Variants in IL10RB observed in about 807,000 individuals in gnomAD.
IL10RB encodes the protein interleukin-10 receptor subunit beta.
A neutral mutation model predicts 38.7 loss-of-function variants in IL10RB; 30 were observed. That is an observed-to-expected ratio of 0.78 (90% CI 0.58 to 1.05). The LOEUF is 1.05. Among genes scored for constraint, IL10RB ranks in the 50% least tolerant of loss-of-function variants. The pLI, the probability that IL10RB is intolerant of heterozygous loss-of-function variation, is 0.00. For missense variants in IL10RB, 328 were observed against 397.1 expected (o/e 0.83, Z 1.48); for synonymous variants, 142 against 145.9 (o/e 0.97, Z 0.19).
At chr21:33,285,705 A>G (rs191902985) in intron 5 of IL10RB, among the ~76,000 whole-genome samples, 1 of 152,312 alleles carries the variant, frequency 6.6e-6, no homozygotes, top group African/African-American at 2.4e-5. Context: ...GGGCCCATGG[A>G]TCCCTGTTTG....
chr21:33,268,682 G>T (rs1339777514), intron 2 of IL10RB, among the ~76,000 whole-genome samples, 165 bp downstream of exon 2: 1 of 152,160 alleles, frequency 6.6e-6, no homozygotes, highest in East Asian at 1.9e-4. Context: ...GGAAATTCTC[G>T]TGGCCACCTT....
At chr21:33,280,876 A>AT (rs1210323999) in intron 4 of IL10RB, among the ~76,000 whole-genome samples, 2 of 152,164 alleles carry the variant, frequency 1.3e-5, no homozygotes, top group African/African-American at 4.8e-5. Context: ...TCTCAAGTTA[A>AT]TTTTTTTCCC....
In IL10RB at chr21:33,266,545, G is replaced by C. The variant is rs28385653; in HGVS notation, c.49+31G>C. 5.1e-3 allele frequency: 7,832 copies of C among 1,538,714 alleles called. 29 individuals carry two copies. The highest frequency in any genetic ancestry group is 6.3e-3 in the Non-Finnish European group (7,227 of 1,145,316). The stretch of plus-strand genomic sequence containing the variant: ...GGGTCCGCGGGGAGGGGGCGCGCTT[G>C]GGAACCGGGAGGCCCCGCGAGATGC... On this transcript the variant is annotated intron_variant, in intron 1 of 6. Transcript: ENST00000290200.
chr21:33,295,357 GA>G (rs59137986), intron 6 of IL10RB, among the ~76,000 whole-genome samples: 7,794 of 55,802 alleles, frequency 0.14, 300 homozygotes, highest in African/African-American at 0.26. Flanking sequence ...GACTCCGTCT[GA>G]AAAAAAAAAA....
At chr21:33,304,727 G>C (rs998953594) in intron 1 of IL10RB, among the ~76,000 whole-genome samples, 4 of 152,210 alleles carry the variant, frequency 2.6e-5, no homozygotes, top group African/African-American at 7.2e-5. Flanking sequence ...GAATGGCCAG[G>C]AAGACATGAA....
chr21:33,271,585 G>A lies in IL10RB; in HGVS notation c.173+3068G>A, dbSNP rs186931948. 8.2e-4 allele frequency among the ~76,000 whole-genome samples: 125 copies of A among 152,004 alleles called. No individual in the cohort carries two copies. In the Middle Eastern group the frequency reaches 0.01, roughly 12 times the overall value. On this transcript the variant is annotated intron_variant, in intron 2 of 6. Transcript: ENST00000290200. Reference sequence around the variant, plus strand: ...CTTTACTAAAAATACAAAATTAGCCGGGTATGGTGGTGCATACCTGTAGTC... The same window carrying A: ...CTTTACTAAAAATACAAAATTAGCCAGGTATGGTGGTGCATACCTGTAGTC...
At chr21:33,298,884 C>T (rs988470533), downstream of IL10RB, among the ~76,000 whole-genome samples, 2 of 152,130 alleles carry the variant, frequency 1.3e-5, no homozygotes, top group Admixed American at 1.3e-4. Flanking sequence ...ATGGAGGTTC[C>T]TCCTCCCTTC....
rs764413783 is a variant in IL10RB, at chr21:33,283,214, C to T, written c.619C>T (p.Pro207Ser). 6.2e-7 allele frequency: 1 copy of T among 1,614,010 alleles called. No individual in the cohort carries two copies. The highest frequency in any genetic ancestry group is 1.1e-5 in the South Asian group (1 of 91,078). The change falls in exon 5 of 7, where the codon CCT becomes TCT. Residue 207 changes from proline (P) to serine (S), a missense_variant. Transcript: ENST00000290200. ...GAACAAAGCTGGGGAATGGAGTGAG[C>T]CTGTCTGTGAGCAAACAACCCATGA... is the stretch of plus-strand genomic sequence containing the variant. ...DRNKAGEWSE[P>S]VCEQTTHDET...
At chr21:33,291,497 C>T (rs1171211517) in intron 6 of IL10RB, among the ~76,000 whole-genome samples, 1 of 152,152 alleles carries the variant, frequency 6.6e-6, no homozygotes, top group African/African-American at 2.4e-5. Context: ...AACTCCTGAC[C>T]TCAAGTGATC....
At chr21:33,285,848 G>A (rs1407528734) in intron 5 of IL10RB, among the ~76,000 whole-genome samples, 1 of 152,156 alleles carries the variant, frequency 6.6e-6, no homozygotes, top group African/African-American at 2.4e-5. Flanking sequence ...TCCAGCTGTG[G>A]TGTGGACTGG....
At chr21:33,284,649 A>T (rs894245078) in intron 5 of IL10RB, among the ~76,000 whole-genome samples, 2 of 152,004 alleles carry the variant, frequency 1.3e-5, no homozygotes, top group Non-Finnish European at 2.9e-5. Flanking sequence ...ATGGGGGCCC[A>T]TTTCTCATGA....
chr21:33,282,254 T>A (rs1989293775), intron 4 of IL10RB, among the ~76,000 whole-genome samples: 1 of 152,134 alleles, frequency 6.6e-6, no homozygotes, highest in Non-Finnish European at 1.5e-5. Context: ...CAATTGCGAC[T>A]GGGTGTGGTG....
At chr21:33,280,853 A>G (rs1989267690) in intron 4 of IL10RB, among the ~76,000 whole-genome samples, 1 of 152,254 alleles carries the variant, frequency 6.6e-6, no homozygotes. Context: ...CACACACTGC[A>G]TAGCCCAAAA....
intron 3 of IL10RB, 48 bp from the exon 4 acceptor site, chr21:33,279,704 T>C (rs1265894897): frequency 6.4e-7 from 1 of 1,560,782 alleles, no homozygotes; most frequent in Non-Finnish European, 8.8e-7. Flanking sequence ...ATGTTGAAGT[T>C]TTTAAAATGT....
intron 4 of IL10RB, among the ~76,000 whole-genome samples, chr21:33,281,298 A>G (rs1601832219): frequency 6.6e-6 from 1 of 152,248 alleles, no homozygotes; most frequent in East Asian, 1.9e-4. Flanking sequence ...TATAAAGATA[A>G]GAGCAGATTG....
Position 33,288,117 on chromosome 21 carries a change from C to G in IL10RB, c.660C>G (p.Ser220=). ...TACCCCTGGCAGAAACGGTCCCCTC[C>G]TGGATGGTGGCCGTCATCCTCATGG... ...EQTTHDETVP[S]WMVAVILMAS... Residue 220 remains serine, a synonymous_variant, in exon 6 of 7, where the codon TCC becomes TCG. Transcript: ENST00000290200. 6.2e-7 allele frequency: 1 copy of G among 1,614,116 alleles called. No individual in the cohort carries two copies. Among genetic ancestry groups the G allele is most frequent in the Admixed American group, 1.7e-5 (1 of 60,006 alleles).
chr21:33,298,511 A>G (rs8178573), downstream of IL10RB, among the ~76,000 whole-genome samples: 119,461 of 152,106 alleles, frequency 0.79, 47,880 homozygotes, highest in African/African-American at 0.95. Flanking sequence ...CTATTTGGGA[A>G]GCTGAGACAG....
chr21:33,296,291 C>T lies in IL10RB; in HGVS notation c.912C>T (p.Ser304=), dbSNP rs942530927. 9.3e-6 allele frequency: 15 copies of T among 1,614,004 alleles called. No homozygotes were observed. The highest frequency in any genetic ancestry group is 1.6e-4 in the Middle Eastern group (1 of 6,084). ...GTGTCATTGCAGAAGACTCTGAGAG[C>T]GGCAAGCAGAATCCTGGTGACAGCT... The part of the protein sequence containing the change: ...KLSVIAEDSE[S]GKQNPGDSCS... Residue 304 remains serine, a synonymous_variant, in exon 7 of 7, where the codon AGC becomes AGT. Transcript: ENST00000290200.
chr21:33,307,476 A>C (rs1156614516), intron 1 of IL10RB, among the ~76,000 whole-genome samples: 2 of 152,174 alleles, frequency 1.3e-5, no homozygotes, highest in Middle Eastern at 3.2e-3. Flanking sequence ...GCCCAAGACC[A>C]TGCTTCTGTC....
Sources: gnomAD v4.1 joint callset for allele counts (sites outside exome capture counted in the v4.1 genomes callset) on GRCh38, gnomAD v4.1.1 for gene constraint, MANE v1.5 for transcripts, NCBI Gene and HGNC (gene_info 2026-07-23, HGNC 2026-07-21) for gene names.